PTPRD: variants seen among roughly 807,000 people sequenced by gnomAD.
The protein encoded by PTPRD is protein tyrosine phosphatase receptor type D, also known as receptor-type tyrosine-protein phosphatase delta.
A neutral mutation model predicts 214.5 loss-of-function variants in PTPRD; 34 were observed. That is an observed-to-expected ratio of 0.16 (90% CI 0.12 to 0.21). The LOEUF is 0.21. PTPRD is among the 10% of genes least tolerant of loss of function. The probability of loss-of-function intolerance (pLI) is 1.00; values close to 1 mark genes in which losing one functional copy is unlikely to be tolerated. For synonymous variants in PTPRD, 1,128 were observed against 845.7 expected (o/e 1.33, Z -5.79); for missense variants, 2,545 against 2,398.7 (o/e 1.06, Z -1.27).
intron 36 of PTPRD, among the ~76,000 whole-genome samples, chr9:8,389,781 A>G (rs989844931): frequency 6.6e-6 from 1 of 152,194 alleles, no homozygotes; most frequent in Non-Finnish European, 1.5e-5. Flanking sequence ...AAAACTAGAT[A>G]AAAGAATGCC....
intron 3 of PTPRD, among the ~76,000 whole-genome samples, chr9:10,206,627 T>A (rs912734974): frequency 2.6e-5 from 4 of 152,178 alleles, no homozygotes; most frequent in Non-Finnish European, 5.9e-5. Context: ...ATATCTCAAC[T>A]AAGGTGGAGA....
rs61488370 is a variant in PTPRD, at chr9:10,112,431, AT to A, written c.-544-78642del. Among the ~76,000 whole-genome samples the A allele has an allele frequency of 3.4e-3, 513 of 149,714 alleles. 12 individuals carry two copies. In the East Asian group the frequency reaches 0.058, roughly 17 times the overall value. On this transcript the variant is annotated intron_variant, in intron 3 of 45. Coordinates refer to ENST00000381196, the MANE Select transcript of PTPRD (RefSeq NM_002839.4). The stretch of plus-strand genomic sequence containing the variant: ...TGTATCTTCCAACTGACAATTATCT[AT>A]TTTTTTTTTGTCAAGCTTTAATCTT...
chr9:8,709,529 AAAG>A (rs1325251191), intron 12 of PTPRD, among the ~76,000 whole-genome samples: 250 of 149,262 alleles, frequency 1.7e-3, no homozygotes, highest in Middle Eastern at 0.015. Context: ...AAAAAAAAAA[AAAG>A]AAAAAGAAAA....
rs1019027302 is a variant in PTPRD, at chr9:9,700,786, T to C, written c.-287+33747A>G. On this transcript the variant is annotated intron_variant, in intron 7 of 45. Transcript: ENST00000381196. ...GTTTAAGACTTATCTCCTATTTTCA[T>C]CTCCATAAAAATTTCTAGTAGATTT... Among the ~76,000 whole-genome samples, 6 of 152,104 alleles carry C rather than the reference T, an allele frequency of 3.9e-5. No homozygotes were observed. In the South Asian group the frequency reaches 6.2e-4, roughly 16 times the overall value.
At chr9:9,495,882 C>T (rs1235230887) in intron 8 of PTPRD, among the ~76,000 whole-genome samples, 1 of 152,186 alleles carries the variant, frequency 6.6e-6, no homozygotes, top group Non-Finnish European at 1.5e-5. Flanking sequence ...CCTCCATCTG[C>T]AGACAATGAA....
chr9:9,938,047 T>C (rs893471292), intron 5 of PTPRD, among the ~76,000 whole-genome samples: 1 of 152,102 alleles, frequency 6.6e-6, no homozygotes, highest in African/African-American at 2.4e-5. Context: ...CTTGCCCTTA[T>C]TGCCTAACTC....
intron 2 of PTPRD, among the ~76,000 whole-genome samples, chr9:10,441,376 T>C (rs1489359777): frequency 6.6e-6 from 1 of 151,656 alleles, no homozygotes; most frequent in African/African-American, 2.4e-5. Flanking sequence ...ATTCTGAATG[T>C]TTTGAATTTT....
At chr9:9,234,092 AG>A (rs1417756417) in intron 9 of PTPRD, among the ~76,000 whole-genome samples, 3 of 152,150 alleles carry the variant, frequency 2.0e-5, no homozygotes, top group Non-Finnish European at 1.5e-5. Context: ...ATGAGGGCTC[AG>A]CCCCTGCAGC....
At chr9:10,520,629 G>A (rs952865652) in intron 2 of PTPRD, among the ~76,000 whole-genome samples, 22 of 152,094 alleles carry the variant, frequency 1.4e-4, no homozygotes, top group African/African-American at 5.1e-4. Flanking sequence ...GCTAGAGAAG[G>A]GAAGTCGATG....
intron 5 of PTPRD, among the ~76,000 whole-genome samples, chr9:9,853,023 T>C (rs1427837599): frequency 6.6e-6 from 1 of 152,192 alleles, no homozygotes; most frequent in African/African-American, 2.4e-5. Context: ...TGTACAACAC[T>C]TCACATGGTC....
intron 7 of PTPRD, among the ~76,000 whole-genome samples, chr9:9,715,998 C>T (rs935448602): frequency 4.6e-5 from 7 of 151,796 alleles, no homozygotes; most frequent in African/African-American, 1.7e-4. Context: ...AGCTATCCCT[C>T]CCCTCTCCCC....
At chr9:9,783,099 A>C (rs956024316) in intron 5 of PTPRD, among the ~76,000 whole-genome samples, 11 of 152,176 alleles carry the variant, frequency 7.2e-5, no homozygotes, top group African/African-American at 2.7e-4. Flanking sequence ...TCATTCCTTG[A>C]CAATTAAAAA....
At chr9:9,864,652 G>A (rs2063543048) in intron 5 of PTPRD, among the ~76,000 whole-genome samples, 1 of 151,970 alleles carries the variant, frequency 6.6e-6, no homozygotes, top group African/African-American at 2.4e-5. Context: ...TTATGTAGCT[G>A]GGACCACAGG....
chr9:9,967,510 G>A (rs972043523), intron 4 of PTPRD, among the ~76,000 whole-genome samples: 2 of 152,070 alleles, frequency 1.3e-5, no homozygotes, highest in African/African-American at 4.8e-5. Flanking sequence ...GTATTAGAAG[G>A]TATGCTAGGT....
At chr9:9,490,862 T>C (rs1243083065) in intron 8 of PTPRD, among the ~76,000 whole-genome samples, 2 of 150,056 alleles carry the variant, frequency 1.3e-5, no homozygotes, top group African/African-American at 2.5e-5. Context: ...CAGAGGTAAG[T>C]TATTCCTTAT....
intron 39 of PTPRD, among the ~76,000 whole-genome samples, chr9:8,371,866 T>C (rs182972387): frequency 1.6e-4 from 24 of 152,006 alleles, no homozygotes; most frequent in Admixed American, 6.6e-4. Context: ...ATGAAGATAT[T>C]TGGAATGTGT....
intron 2 of PTPRD, among the ~76,000 whole-genome samples, chr9:10,564,903 C>T (rs934156636): frequency 1.3e-5 from 2 of 152,030 alleles, no homozygotes; most frequent in African/African-American, 4.8e-5. Context: ...TAATTAATAA[C>T]CTGTCTAACT....
At chr9:8,469,860 G>A (rs1021290090) in intron 31 of PTPRD, among the ~76,000 whole-genome samples, 4 of 151,982 alleles carry the variant, frequency 2.6e-5, no homozygotes, top group East Asian at 1.9e-4. Context: ...CATAAATCCC[G>A]CTTCTAGAGA....
At chr9:9,860,616 A>G (rs1303021117) in intron 5 of PTPRD, among the ~76,000 whole-genome samples, 1 of 152,236 alleles carries the variant, frequency 6.6e-6, no homozygotes, top group Admixed American at 6.5e-5. Context: ...GATGACAAAT[A>G]CATTTCACAC....
Sources: allele counts gnomAD v4.1 joint callset (sites outside exome capture counted in the v4.1 genomes callset), GRCh38; gene constraint gnomAD v4.1.1; transcripts MANE v1.5; gene names NCBI Gene and HGNC (gene_info 2026-07-23, HGNC 2026-07-21).